IKZF1: variants seen among roughly 807,000 people sequenced by gnomAD.
IKZF1 encodes the protein IKAROS family zinc finger 1.
A neutral mutation model predicts 51.7 loss-of-function variants in IKZF1; 10 were observed. The observed-to-expected ratio is 0.19, with a 90% CI of 0.12 to 0.33. The LOEUF (loss-of-function observed/expected upper bound fraction) is 0.33. Among genes scored for constraint, IKZF1 ranks in the 10% least tolerant of loss-of-function variants. IKZF1 has a pLI of 1.00. For missense variants in IKZF1, 484 were observed against 707.5 expected, an observed-to-expected ratio of 0.68 and a Z score of 3.58; for synonymous variants, 280 against 282.3, an observed-to-expected ratio of 0.99 and a Z score of 0.08.
At chr7:50,317,938 TA>T (rs1432228643) in intron 1 of IKZF1, among the ~76,000 whole-genome samples, 1 of 152,020 alleles carries the variant, frequency 6.6e-6, no homozygotes, top group Non-Finnish European at 1.5e-5. Context: ...TGGCCAAAAA[TA>T]AAAAGGGGGA....
At chr7:50,340,121 C>T (rs1458714634) in intron 3 of IKZF1, among the ~76,000 whole-genome samples, 5 of 152,264 alleles carry the variant, frequency 3.3e-5, no homozygotes, top group African/African-American at 7.2e-5. Context: ...TAGCAATATG[C>T]GCATGTCTAA....
intron 3 of IKZF1, among the ~76,000 whole-genome samples, chr7:50,344,020 C>T (rs1178899200): frequency 6.6e-6 from 1 of 152,114 alleles, no homozygotes; most frequent in Non-Finnish European, 1.5e-5. Context: ...TAAATTTACC[C>T]ACCTCTTTTT....
At chr7:50,397,918 A>G (rs960581241) in intron 7 of IKZF1, among the ~76,000 whole-genome samples, 4 of 152,208 alleles carry the variant, frequency 2.6e-5, no homozygotes, top group Non-Finnish European at 4.4e-5. Context: ...ATGAAAACGA[A>G]TGGAAACCAG....
chr7:50,404,693 T>C lies in IKZF1; in HGVS notation c.*4066T>C, dbSNP rs887374039. On this transcript the variant is annotated 3_prime_UTR_variant, in exon 8 of 8. Coordinates refer to ENST00000331340, the MANE Select transcript of IKZF1 (RefSeq NM_006060.6). ...TCCCAGTCTTGAGGGTGGGTGGAGA[T>C]GGAGGGCAACAAGAGATACATTTCC... 100 of 231,514 alleles carry C rather than the reference T, an allele frequency of 4.3e-4. No individual in the cohort carries two copies. Among genetic ancestry groups the C allele is most frequent in the African/African-American group, 2.1e-3 (95 of 45,366 alleles). The allele number at this position is 231,514 out of a possible 1,614,324, so 14.3% of individuals were successfully genotyped here.
intron 3 of IKZF1, among the ~76,000 whole-genome samples, chr7:50,350,428 A>G (rs999633750): frequency 1.3e-5 from 2 of 152,212 alleles, no homozygotes; most frequent in African/African-American, 4.8e-5. Flanking sequence ...AATTTAGTGA[A>G]CTGAACAGGT....
chr7:50,362,285 A>C (rs1462831412), intron 3 of IKZF1, among the ~76,000 whole-genome samples: 2 of 152,238 alleles, frequency 1.3e-5, no homozygotes, highest in Non-Finnish European at 2.9e-5. Context: ...CATGAGGGTA[A>C]GTGAGGCGCT....
chr7:50,317,434 T>TC (rs1379196874), intron 1 of IKZF1, among the ~76,000 whole-genome samples: 1 of 152,240 alleles, frequency 6.6e-6, no homozygotes. Context: ...TCGTGGCTTT[T>TC]CCCCTTTTTT....
chr7:50,304,274 G>C (rs2153303774), upstream of IKZF1: 1 of 149,722 alleles, frequency 6.7e-6, no homozygotes, highest in Non-Finnish European at 1.5e-5. Flanking sequence ...GGGACGGGAC[G>C]ACGCACCCTC....
At chr7:50,342,814 A>G (rs1220889008) in intron 3 of IKZF1, among the ~76,000 whole-genome samples, 1 of 152,204 alleles carries the variant, frequency 6.6e-6, no homozygotes, top group African/African-American at 2.4e-5. Flanking sequence ...CTTCCTGTGA[A>G]AGGGACACCT....
intron 3 of IKZF1, among the ~76,000 whole-genome samples, chr7:50,330,713 G>T (rs1584531228): frequency 6.6e-6 from 1 of 152,190 alleles, no homozygotes; most frequent in Non-Finnish European, 1.5e-5. Context: ...TAAAAAGGTA[G>T]GGGAATTCGT....
chr7:50,340,422 T>C (rs1361109155), intron 3 of IKZF1, among the ~76,000 whole-genome samples: 2 of 152,194 alleles, frequency 1.3e-5, no homozygotes, highest in Non-Finnish European at 2.9e-5. Context: ...CCGGTGTCAC[T>C]CCTCACCAGG....
intron 3 of IKZF1, among the ~76,000 whole-genome samples, chr7:50,336,551 TGGGACA>T (rs1310867972): frequency 4.6e-5 from 7 of 152,068 alleles, no homozygotes; most frequent in Non-Finnish European, 8.8e-5. Flanking sequence ...AGCTCGCCCT[TGGGACA>T]GGCGGTGGCG....
intron 3 of IKZF1, among the ~76,000 whole-genome samples, chr7:50,354,697 C>T (rs2153435463): frequency 6.6e-6 from 1 of 152,196 alleles, no homozygotes; most frequent in East Asian, 1.9e-4. Flanking sequence ...TTCTGCTTGT[C>T]TTTTCCCTAG....
intron 3 of IKZF1, among the ~76,000 whole-genome samples, chr7:50,344,161 C>T (rs1268757406): frequency 6.6e-6 from 1 of 152,176 alleles, no homozygotes; most frequent in Non-Finnish European, 1.5e-5. Flanking sequence ...AGGCCTACCT[C>T]CTCTTTCTTC....
chr7:50,370,952 G>A (rs1808478808), intron 3 of IKZF1, among the ~76,000 whole-genome samples: 1 of 152,152 alleles, frequency 6.6e-6, no homozygotes, highest in African/African-American at 2.4e-5. Flanking sequence ...ACAGAGGAAG[G>A]AGTGAGCGAT....
At chr7:50,387,712 C>T (rs956069880) in intron 6 of IKZF1, among the ~76,000 whole-genome samples, 8 of 152,168 alleles carry the variant, frequency 5.3e-5, no homozygotes, top group East Asian at 1.9e-4. Context: ...CACTTCCAAT[C>T]GGGAGAAACT....
intron 7 of IKZF1, among the ~76,000 whole-genome samples, chr7:50,397,842 C>A (rs983358758): frequency 1.3e-5 from 2 of 152,108 alleles, no homozygotes; most frequent in Non-Finnish European, 2.9e-5. Flanking sequence ...TCTGGGAGGG[C>A]GTAACTGGCC....
In IKZF1 at chr7:50,400,231, G is replaced by A. The variant is rs776169668; in HGVS notation, c.1164G>A (p.Ala388=). The A allele has an allele frequency of 8.1e-6, 13 of 1,603,418 alleles. No homozygotes were observed. The Admixed American group carries it at 2.0e-4, about 25-fold the overall frequency. The part of the protein sequence containing the change: ...KAKLVPSERE[A]SPSNSCQDST... Reference sequence around the variant, plus strand: ...AGTTGGTGCCCTCGGAGCGCGAGGCGTCCCCGAGCAACAGCTGCCAAGACT... The same window carrying A: ...AGTTGGTGCCCTCGGAGCGCGAGGCATCCCCGAGCAACAGCTGCCAAGACT... The change falls in exon 8 of 8, where the codon GCG becomes GCA. Residue 388 remains alanine (A), a synonymous_variant. Coordinates refer to ENST00000331340, the MANE Select transcript of IKZF1 (RefSeq NM_006060.6). This position sits in a 1 kb window ranked among gnomAD's most constrained non-coding sequence, Gnocchi z 5.4.
At chr7:50,399,427 C>T (rs1335710938) in intron 7 of IKZF1, among the ~76,000 whole-genome samples, 1 of 150,850 alleles carries the variant, frequency 6.6e-6, no homozygotes, top group Non-Finnish European at 1.5e-5. Flanking sequence ...AATAATTTAA[C>T]ATATCACATA....
Sources: allele counts gnomAD v4.1 joint callset (sites outside exome capture counted in the v4.1 genomes callset), GRCh38; gene constraint gnomAD v4.1.1; non-coding constraint Gnocchi (gnomAD v3.1); transcripts MANE v1.5; gene names NCBI Gene and HGNC (gene_info 2026-07-23, HGNC 2026-07-21).